Variants in AHDC1 observed in about 807,000 individuals in gnomAD.
AHDC1 encodes AT-hook DNA binding motif containing 1, also known as transcription factor Gibbin.
AHDC1 carries 7 observed loss-of-function variants against 87.9 expected under a neutral mutation model. The ratio of observed to expected loss-of-function variants is 0.08; its 90% CI spans 0.05 to 0.15. The LOEUF (loss-of-function observed/expected upper bound fraction) is 0.15, where lower values mean the gene tolerates loss of function less well. Ranked by LOEUF, AHDC1 falls within the 10% of genes least tolerant of loss-of-function variation. The pLI, the probability that AHDC1 is intolerant of heterozygous loss-of-function variation, is 1.00. For missense variants in AHDC1, 1,841 were observed against 2,253.2 expected (o/e 0.82, Z 3.70); for synonymous variants, 1,051 against 1,006.8 (o/e 1.04, Z -0.83).
In AHDC1 at chr1:27,550,890, GGTCCGGCGTCTGCCTTGCGTCCCC is replaced by G. The variant is rs2019510465; in HGVS notation, c.1202_1225del (p.Arg401_Gly408del). 6.3e-7 allele frequency: 1 copy of G among 1,589,972 alleles called. No homozygotes were observed. Among genetic ancestry groups the G allele is most frequent in the Non-Finnish European group, 8.5e-7 (1 of 1,173,328 alleles). On this transcript the variant is annotated inframe_deletion, in exon 8 of 9. Coordinates refer to ENST00000673934, the MANE Select transcript of AHDC1 (RefSeq NM_001371928.1). ...AGGCAGGGGCAGTAGGCGGCCCTCG[GGTCCGGCGTCTGCCTTGCGTCCCC>G]GTCCGGCTTTCCGCCGGCGACACAG...
At chr1:27,576,249 A>G (rs1023708052) in intron 3 of AHDC1, among the ~76,000 whole-genome samples, 7 of 152,096 alleles carry the variant, frequency 4.6e-5, no homozygotes, top group Non-Finnish European at 8.8e-5. Context: ...GGTAGGTGCC[A>G]TATAAAGGTT....
rs982476000 is a variant in AHDC1 at position 27,562,144 on chromosome 1, C to T, written c.-628-3261G>A. On this transcript the variant is annotated intron_variant, in intron 3 of 8. Coordinates refer to ENST00000673934, the MANE Select transcript of AHDC1 (RefSeq NM_001371928.1). The surrounding 1 kb of genome is among the most constrained non-coding windows in gnomAD (Gnocchi z 4.4). ...GCCGGGGAGAAGGGCCGAGGGGAGG[C>T]CTGTGTGGGCAGTAGACAGGCCAGA... 2.0e-5 allele frequency among the ~76,000 whole-genome samples: 3 copies of T among 152,010 alleles called. No homozygotes were observed. Among genetic ancestry groups the T allele is most frequent in the Admixed American group, 6.6e-5 (1 of 15,262 alleles).
At chr1:27,544,101 A>G (rs1005434194) in intron 8 of AHDC1, among the ~76,000 whole-genome samples, 2 of 152,134 alleles carry the variant, frequency 1.3e-5, no homozygotes, top group Non-Finnish European at 2.9e-5. Flanking sequence ...ACTATCTGCC[A>G]ATGGATCCCC....
chr1:27,541,161 G>T (rs1468444055), intron 8 of AHDC1, among the ~76,000 whole-genome samples: 1 of 152,010 alleles, frequency 6.6e-6, no homozygotes, highest in Non-Finnish European at 1.5e-5. Context: ...TAAAGCCTCT[G>T]AAGTCTCAAA....
intron 3 of AHDC1, among the ~76,000 whole-genome samples, chr1:27,567,437 C>T (rs1032700294): frequency 6.6e-6 from 1 of 152,136 alleles, no homozygotes; most frequent in African/African-American, 2.4e-5. Flanking sequence ...TGTTGTCAAG[C>T]GAGATGTCAC....
At chr1:27,600,030 T>C (rs1463384378) in intron 3 of AHDC1, among the ~76,000 whole-genome samples, 2 of 151,690 alleles carry the variant, frequency 1.3e-5, no homozygotes, top group African/African-American at 4.8e-5. Flanking sequence ...AGGGGAGTGG[T>C]ATATTCCTAG....
chr1:27,584,763 A>T (rs1293621870), intron 3 of AHDC1, among the ~76,000 whole-genome samples: 4 of 151,940 alleles, frequency 2.6e-5, no homozygotes, highest in African/African-American at 9.7e-5. Flanking sequence ...CACCCCATCA[A>T]ACTTAGTGTT....
intron 3 of AHDC1, among the ~76,000 whole-genome samples, chr1:27,581,706 A>C: frequency 6.6e-6 from 1 of 152,122 alleles, no homozygotes; most frequent in Non-Finnish European, 1.5e-5. Context: ...ATCTTCCTCA[A>C]ATCCCATTCT....
Position 27,590,271 on chromosome 1 carries a change from CAGCG to C in AHDC1, c.-629+13122_-629+13125del, listed in dbSNP as rs2089188214. Among the ~76,000 whole-genome samples, 1 of 152,198 alleles carries C rather than the reference CAGCG, an allele frequency of 6.6e-6. No individual in the cohort carries two copies. The highest frequency in any genetic ancestry group is 1.9e-4 in the East Asian group (1 of 5,194). ...TGCCTGGGTCCCTGGGGCCAGGCAG[CAGCG>C]AGTTCCCTGGGGAGCTGGGCGGGGA... is the stretch of plus-strand genomic sequence containing the variant. On this transcript the variant is annotated intron_variant, in intron 3 of 8. Coordinates refer to ENST00000673934, the MANE Select transcript of AHDC1 (RefSeq NM_001371928.1). The surrounding 1 kb of genome is among the most constrained non-coding windows in gnomAD (Gnocchi z 5.4).
At chr1:27,574,907 C>A (rs1287539323) in intron 3 of AHDC1, among the ~76,000 whole-genome samples, 1 of 152,228 alleles carries the variant, frequency 6.6e-6, no homozygotes, top group Non-Finnish European at 1.5e-5. Flanking sequence ...TCCCGGGGCC[C>A]TTCTCTGGAC....
chr1:27,594,415 A>G (rs1402916252), intron 3 of AHDC1, among the ~76,000 whole-genome samples: 2 of 152,194 alleles, frequency 1.3e-5, no homozygotes, highest in Non-Finnish European at 2.9e-5. Flanking sequence ...TCCCACATAC[A>G]TGCCAGAGCC....
chr1:27,536,409 T>C (rs1267121132), intron 8 of AHDC1, among the ~76,000 whole-genome samples: 1 of 152,172 alleles, frequency 6.6e-6, no homozygotes, highest in Non-Finnish European at 1.5e-5. Context: ...TCAGGTTGCC[T>C]GCAGTTGCAG....
intron 3 of AHDC1, among the ~76,000 whole-genome samples, chr1:27,567,563 TTGG>T (rs1174225269): frequency 2.6e-5 from 4 of 152,236 alleles, no homozygotes; most frequent in African/African-American, 9.6e-5. Flanking sequence ...GGCCAGGCTA[TTGG>T]TGGGGGCAGT....
At chr1:27,542,532 C>T (rs995512612) in intron 8 of AHDC1, among the ~76,000 whole-genome samples, 20 of 152,230 alleles carry the variant, frequency 1.3e-4, no homozygotes, top group Admixed American at 9.2e-4. Context: ...CATCACCAGC[C>T]GCTGACTACG....
In AHDC1 at chr1:27,548,822, G is replaced by A; in HGVS notation, c.3294C>T (p.Asn1098=). Residue 1098 remains asparagine (N), a synonymous_variant, in exon 8 of 9, where the codon AAC becomes AAT. Transcript: ENST00000673934. Reference sequence around the variant, plus strand: ...GAGAAGCCCCCGCAAACTGCCGACAGTTCTCGGGCGAGGGCTGGAAGGAGG... The same window carrying A: ...GAGAAGCCCCCGCAAACTGCCGACAATTCTCGGGCGAGGGCTGGAAGGAGG... The part of the protein sequence containing the change: ...SSSSFQPSPE[N]CRQFAGASQW... 2 of 1,613,038 alleles carry A rather than the reference G, an allele frequency of 1.2e-6. No homozygotes were observed. Among genetic ancestry groups the A allele is most frequent in the Non-Finnish European group, 1.7e-6 (2 of 1,179,938 alleles).
intron 5 of AHDC1, among the ~76,000 whole-genome samples, chr1:27,557,164 C>A (rs1039223609): frequency 1.4e-5 from 2 of 143,686 alleles, no homozygotes; most frequent in African/African-American, 2.6e-5. Context: ...GGTGTGTGGG[C>A]GCCACCGCCA....
At position 27,549,712 on chromosome 1, in the gene AHDC1, C is replaced by A. The variant is rs200194832; in HGVS notation, c.2404G>T (p.Ala802Ser). The change falls in exon 8 of 9, where the codon GCC becomes TCC. Residue 802 changes from alanine to serine, a missense_variant. Physicochemically the swap from Ala to Ser is moderately conservative, Grantham distance 99. Coordinates refer to ENST00000673934, the MANE Select transcript of AHDC1 (RefSeq NM_001371928.1). Reference protein sequence around the residue: ...GFQGTEARAFASTGLESGASG... With the variant: ...GFQGTEARAFSSTGLESGASG... ...GCTCCACTCTCCAGCCCAGTGGAGG[C>A]AAAGGCCCGGGCCTCGGTCCCCTGA... 3.2e-5 allele frequency: 52 copies of A among 1,612,798 alleles called. No individual in the cohort carries two copies. Among genetic ancestry groups the A allele is most frequent in the Non-Finnish European group, 4.2e-5 (50 of 1,179,982 alleles).
intron 8 of AHDC1, 126 bp from the exon 9 acceptor site, chr1:27,535,042 A>T (rs1338256630): frequency 1.3e-5 from 2 of 152,200 alleles, no homozygotes; most frequent in African/African-American, 2.4e-5. Flanking sequence ...TGAGGGGGAA[A>T]GCTAACCACT....
chr1:27,534,820 G>T lies in AHDC1; in HGVS notation c.*140C>A, dbSNP rs1353587662. 4 of 151,656 alleles carry T rather than the reference G, an allele frequency of 2.6e-5. No individual in the cohort carries two copies. The highest frequency in any genetic ancestry group is 4.4e-5 in the Non-Finnish European group (3 of 67,824). The allele number at this position is 151,656 out of a possible 1,614,324, so 9.4% of individuals were successfully genotyped here. On this transcript the variant is annotated 3_prime_UTR_variant, in exon 9 of 9. Coordinates refer to ENST00000673934, the MANE Select transcript of AHDC1 (RefSeq NM_001371928.1). Reference sequence around the variant, plus strand: ...GGGGTGGAGGGAGATGGGTCTGCAGGGGGTGTAGGGGGCAGGGTGGGAGGC... The same window carrying T: ...GGGGTGGAGGGAGATGGGTCTGCAGTGGGTGTAGGGGGCAGGGTGGGAGGC...
Sources: gnomAD v4.1 joint callset for allele counts (sites outside exome capture counted in the v4.1 genomes callset) on GRCh38, gnomAD v4.1.1 for gene constraint, Gnocchi (gnomAD v3.1) non-coding constraint, MANE v1.5 for transcripts, NCBI Gene and HGNC (gene_info 2026-07-23, HGNC 2026-07-21) for gene names.